The following ANKMY2 variants were observed in gnomAD, a reference collection of about 807,000 sequenced individuals.
ANKMY2 encodes the protein ankyrin repeat and MYND domain-containing protein 2.
Under a neutral mutation model 50.4 loss-of-function variants are expected in ANKMY2, and 36 were observed. The ratio of observed to expected loss-of-function variants is 0.71; its 90% confidence interval spans 0.55 to 0.94. The LOEUF (loss-of-function observed/expected upper bound fraction) is 0.94. ANKMY2 is among the 40% of genes least tolerant of loss of function. The pLI, the probability that ANKMY2 is intolerant of heterozygous loss-of-function variation, is 0.00. For missense variants in ANKMY2, 565 were observed against 524.0 expected, an observed-to-expected ratio of 1.08 and a Z score of -0.76; for synonymous variants, 187 against 178.8, an observed-to-expected ratio of 1.05 and a Z score of -0.36.
chr7:16,608,182 T>C (rs1446970302), intron 7 of ANKMY2, among the ~76,000 whole-genome samples: 1 of 152,248 alleles, frequency 6.6e-6, no homozygotes, highest in Non-Finnish European at 1.5e-5. Context: ...TGGGCATCTA[T>C]GTATATGTGA....
intron 5 of ANKMY2, among the ~76,000 whole-genome samples, chr7:16,615,538 GGT>G (rs1302609676): frequency 6.6e-6 from 1 of 152,144 alleles, no homozygotes; most frequent in Non-Finnish European, 1.5e-5. Flanking sequence ...TTTTCCTGAT[GGT>G]TTAGTCTGTT....
chr7:16,636,556 T>G (rs1298990829), intron 1 of ANKMY2, 101 bp from the exon 2 acceptor site: 2 of 836,232 alleles, frequency 2.4e-6, no homozygotes, highest in Non-Finnish European at 3.7e-6. Context: ...TCTGTAAGAG[T>G]ACATCTAGTC....
intron 7 of ANKMY2, among the ~76,000 whole-genome samples, chr7:16,605,682 T>G (rs1209864504): frequency 1.5e-4 from 20 of 136,104 alleles, no homozygotes; most frequent in Middle Eastern, 7.1e-3. Flanking sequence ...TACTTTTTTT[T>G]TTTTTTTTTT....
intron 5 of ANKMY2, among the ~76,000 whole-genome samples, chr7:16,611,205 T>C (rs760594970): frequency 2.0e-5 from 3 of 152,250 alleles, no homozygotes; most frequent in Non-Finnish European, 4.4e-5. Flanking sequence ...CATTAATTCT[T>C]ATTAAGCACA....
chr7:16,636,379 C>G lies in ANKMY2; in HGVS notation c.132+12G>C. Reference sequence around the variant, plus strand: ...GGAAGTAAAATCCTTTATTAAACTTCTAAAATCTTACCTCGTCCAAACAGT... The same window carrying G: ...GGAAGTAAAATCCTTTATTAAACTTGTAAAATCTTACCTCGTCCAAACAGT... On this transcript the variant is annotated intron_variant, in intron 2 of 9. Coordinates refer to ENST00000306999, the MANE Select transcript of ANKMY2 (RefSeq NM_020319.3). 2 of 1,416,724 alleles carry G rather than the reference C, an allele frequency of 1.4e-6. No homozygotes were observed. The highest frequency in any genetic ancestry group is 6.6e-5 in the East Asian group (2 of 30,220). 87.8% of individuals were successfully genotyped at this position (1,416,724 alleles called of 1,614,324 possible).
chr7:16,638,864 C>T (rs113184929), intron 1 of ANKMY2, among the ~76,000 whole-genome samples: 6 of 152,002 alleles, frequency 3.9e-5, no homozygotes, highest in African/African-American at 1.4e-4. Flanking sequence ...CCTAGCACCC[C>T]ATTGTTCAGG....
chr7:16,627,272 T>C (rs988810095), intron 2 of ANKMY2, 94 bp from the exon 3 acceptor site: 26 of 727,210 alleles, frequency 3.6e-5, no homozygotes, highest in African/African-American at 9.0e-5. Context: ...AAAACGAATA[T>C]GAACTAATTA....
Position 16,602,402 on chromosome 7 carries a change from T to C in ANKMY2, c.1119A>G (p.Lys373=). 4.3e-6 allele frequency: 7 copies of C among 1,613,486 alleles called. No individual in the cohort carries two copies. Among genetic ancestry groups the C allele is most frequent in the Non-Finnish European group, 5.1e-6 (6 of 1,179,898 alleles). The change falls in exon 9 of 10, where the codon AAA becomes AAG. Residue 373 remains lysine, a synonymous_variant. Transcript: ENST00000306999. ...TACGGTTTTCCTCTTGTCTCTTTTC[T>C]TTGGCAGCCTCCAACTGTTGCTTTT... ...IYEKQQLEAA[K]EKRQEENHGK...
In ANKMY2 at chr7:16,627,055, A is replaced by G; in HGVS notation, c.256T>C (p.Phe86Leu). 6.2e-7 allele frequency: 1 copy of G among 1,601,572 alleles called. No individual in the cohort carries two copies. Reference sequence around the variant, plus strand: ...AAAACTTCACCAGAAAGTGCAGCAAACATGAGGGCTGTGTATCCATGTTCA... The same window carrying G: ...AAAACTTCACCAGAAAGTGCAGCAAGCATGAGGGCTGTGTATCCATGTTCA... ...QHEHGYTALMFAALSGNKDIT... is the reference protein window; with the variant it reads ...QHEHGYTALMLAALSGNKDIT... The change falls in exon 3 of 10, where the codon TTT (phenylalanine) becomes CTT (leucine). Residue 86 changes from phenylalanine to leucine, a missense_variant. By Grantham distance (22) the Phe-to-Leu change is conservative. Transcript: ENST00000306999.
intron 7 of ANKMY2, 93 bp from the exon 8 acceptor site, chr7:16,604,942 ATGTG>A: frequency 8.1e-7 from 1 of 1,238,888 alleles, no homozygotes; most frequent in Admixed American, 3.0e-5. Flanking sequence ...CCGTCCTACA[ATGTG>A]ACACAAAAAG....
chr7:16,636,191 T>C (rs1260016196), intron 2 of ANKMY2, among the ~76,000 whole-genome samples, 200 bp downstream of exon 2: 1 of 149,192 alleles, frequency 6.7e-6, no homozygotes, highest in Middle Eastern at 3.3e-3. Flanking sequence ...TAATCCCAGC[T>C]ACTTGGGCGG....
Position 16,602,528 on chromosome 7 carries a change from T to G in ANKMY2, c.1012-19A>C. On this transcript the variant is annotated intron_variant, in intron 8 of 9. Coordinates refer to ENST00000306999, the MANE Select transcript of ANKMY2 (RefSeq NM_020319.3). ...ATATTACCTGAAAGCAATTGTTGGT[T>G]TATTTTCATTTCCAGAGCTTGGGTT... 1.2e-6 allele frequency: 2 copies of G among 1,605,184 alleles called. No homozygotes were observed. The highest frequency in any genetic ancestry group is 1.3e-5 in the African/African-American group (1 of 74,488).
intron 6 of ANKMY2, 76 bp downstream of exon 6, chr7:16,610,473 A>G: frequency 8.2e-7 from 1 of 1,226,044 alleles, no homozygotes; most frequent in East Asian, 2.4e-5. Flanking sequence ...ATTTTGAAAC[A>G]CATAATAATG....
At chr7:16,613,950 C>G (rs907996334) in intron 5 of ANKMY2, among the ~76,000 whole-genome samples, 1 of 149,940 alleles carries the variant, frequency 6.7e-6, no homozygotes, top group Non-Finnish European at 1.5e-5. Context: ...ATTCCACAAA[C>G]CCTTACTGCA....
intron 4 of ANKMY2, among the ~76,000 whole-genome samples, chr7:16,619,057 A>G (rs1251122666): frequency 6.6e-6 from 1 of 152,246 alleles, no homozygotes; most frequent in Non-Finnish European, 1.5e-5. Flanking sequence ...AACTAGTACA[A>G]TTAGGAAAAG....
chr7:16,636,355 G>T (rs1583684981), intron 2 of ANKMY2, 36 bp downstream of exon 2: 2 of 814,192 alleles, frequency 2.5e-6, no homozygotes, highest in Non-Finnish European at 3.9e-6. Context: ...CTTCTTATAG[G>T]AAGTAAAATC....
intron 2 of ANKMY2, among the ~76,000 whole-genome samples, chr7:16,630,494 T>C (rs1781567979): frequency 6.6e-6 from 1 of 152,186 alleles, no homozygotes; most frequent in South Asian, 2.1e-4. Context: ...AAAGTTCCTC[T>C]CCCATAATTC....
At chr7:16,613,087 T>TA (rs1298154274) in intron 5 of ANKMY2, among the ~76,000 whole-genome samples, 1 of 152,204 alleles carries the variant, frequency 6.6e-6, no homozygotes, top group Non-Finnish European at 1.5e-5. Flanking sequence ...CCTGTACACT[T>TA]AGAGACCCTG....
intron 6 of ANKMY2, among the ~76,000 whole-genome samples, chr7:16,610,333 T>C (rs559034026): frequency 6.6e-6 from 1 of 152,282 alleles, no homozygotes; most frequent in South Asian, 2.1e-4. Context: ...TGTAAATTGC[T>C]GGTAACAACA....
Sources: gnomAD v4.1 joint callset for allele counts (sites outside exome capture counted in the v4.1 genomes callset) on GRCh38, gnomAD v4.1.1 for gene constraint, MANE v1.5 for transcripts, NCBI Gene and HGNC (gene_info 2026-07-23, HGNC 2026-07-21) for gene names.